Variants in CNTN4 observed in about 807,000 individuals in gnomAD.
The protein encoded by CNTN4 is contactin-4.
CNTN4 carries 77 observed loss-of-function variants against 122.5 expected under a neutral mutation model. That is an observed-to-expected ratio of 0.63 (90% CI 0.52 to 0.76). CNTN4 has a LOEUF of 0.76. Ranked by LOEUF, CNTN4 falls within the 30% of genes least tolerant of loss-of-function variation. CNTN4 has a pLI of 0.00. For missense variants in CNTN4, 1,256 were observed against 1,259.1 expected, an observed-to-expected ratio of 1.00 and a Z score of 0.04; for synonymous variants, 512 against 447.0, an observed-to-expected ratio of 1.15 and a Z score of -1.83.
chr3:2,560,738 G>T (rs967547356), intron 3 of CNTN4, among the ~76,000 whole-genome samples: 1 of 152,098 alleles, frequency 6.6e-6, no homozygotes, highest in African/African-American at 2.4e-5. Context: ...CCCTCTTAGA[G>T]TATTATATTA....
intron 2 of CNTN4, among the ~76,000 whole-genome samples, chr3:2,143,183 C>T (rs191436597): frequency 3.4e-4 from 51 of 152,166 alleles, no homozygotes; most frequent in Admixed American, 7.2e-4. Flanking sequence ...TTCTGTTTTA[C>T]GTTTCCCATT....
At chr3:2,986,065 C>A (rs1694541471) in intron 13 of CNTN4, among the ~76,000 whole-genome samples, 1 of 152,004 alleles carries the variant, frequency 6.6e-6, no homozygotes, top group African/African-American at 2.4e-5. Context: ...TAGGCTCAAG[C>A]CAGCACACCT....
At chr3:2,200,720 T>C (rs1016749496) in intron 2 of CNTN4, among the ~76,000 whole-genome samples, 3 of 152,178 alleles carry the variant, frequency 2.0e-5, no homozygotes, top group Admixed American at 2.0e-4. Flanking sequence ...AATTTTACAG[T>C]GTCTGTTGGG....
intron 13 of CNTN4, among the ~76,000 whole-genome samples, chr3:2,940,983 A>G (rs1016315745): frequency 2.0e-5 from 3 of 152,182 alleles, no homozygotes; most frequent in Non-Finnish European, 4.4e-5. Flanking sequence ...GTTTTATTCC[A>G]AAAGAGGTGG....
rs371492553 is a variant in CNTN4, at chr3:2,142,236, C to T, written c.-145+41597C>T. Reference sequence around the variant, plus strand: ...AGCATCTGTTTCTACATATGACTGGCACAAATGATATCTTTTTGTAAAATA... The same window carrying T: ...AGCATCTGTTTCTACATATGACTGGTACAAATGATATCTTTTTGTAAAATA... On this transcript the variant is annotated intron_variant, in intron 2 of 24. Transcript: ENST00000418658. 8.5e-5 allele frequency among the ~76,000 whole-genome samples: 13 copies of T among 152,282 alleles called. No individual in the cohort carries two copies. The East Asian group carries it at 1.3e-3, about 16-fold the overall frequency.
intron 2 of CNTN4, among the ~76,000 whole-genome samples, chr3:2,306,198 G>A (rs1203346961): frequency 6.6e-6 from 1 of 152,138 alleles, no homozygotes; most frequent in Admixed American, 6.5e-5. Flanking sequence ...TTTTTGAAGA[G>A]TGATAAATGA....
chr3:2,622,541 G>T (rs974873920), intron 4 of CNTN4, among the ~76,000 whole-genome samples: 2 of 152,186 alleles, frequency 1.3e-5, no homozygotes, highest in African/African-American at 4.8e-5. Context: ...CCCAGAGCTT[G>T]CTGGGATTAC....
At chr3:2,873,018 A>C (rs566571290) in intron 8 of CNTN4, among the ~76,000 whole-genome samples, 45 of 152,130 alleles carry the variant, frequency 3.0e-4, no homozygotes, top group Non-Finnish European at 6.3e-4. Flanking sequence ...TCAAGCTTTC[A>C]CCCAGTAGGA....
At chr3:2,428,247 G>T (rs562788984) in intron 3 of CNTN4, among the ~76,000 whole-genome samples, 1 of 152,142 alleles carries the variant, frequency 6.6e-6, no homozygotes, top group Non-Finnish European at 1.5e-5. Flanking sequence ...TTCTTCAGGA[G>T]CTCTTGTAAG....
intron 4 of CNTN4, among the ~76,000 whole-genome samples, chr3:2,653,732 C>G (rs2150217954): frequency 6.6e-6 from 1 of 152,164 alleles, no homozygotes; most frequent in Non-Finnish European, 1.5e-5. Context: ...GTCTTCTTTC[C>G]TTTATATTTC....
Position 2,570,319 on chromosome 3 carries a change from G to A in CNTN4, c.-88-1097G>A, listed in dbSNP as rs576534408. 1.6e-3 allele frequency among the ~76,000 whole-genome samples: 243 copies of A among 151,902 alleles called. 1 individual carries two copies. Among genetic ancestry groups the A allele is most frequent in the African/African-American group, 5.6e-3 (234 of 41,424 alleles). On this transcript the variant is annotated intron_variant, in intron 3 of 24. Coordinates refer to ENST00000418658, the MANE Select transcript of CNTN4 (RefSeq NM_175607.3). The stretch of plus-strand genomic sequence containing the variant: ...CTCCTGAGTAGCAGGGACTATAGGC[G>A]TGCACCACCATGCCAGGCTGATTTT...
In CNTN4 at chr3:2,747,278, A is replaced by G. The variant is rs553436559; in HGVS notation, c.358+1581A>G. Among the ~76,000 whole-genome samples the G allele has an allele frequency of 1.7e-3, 217 of 127,732 alleles. 3 individuals carry two copies. The highest frequency in any genetic ancestry group is 7.0e-3 in the South Asian group (30 of 4,278). 83.8% of individuals were successfully genotyped at this position (127,732 alleles called of 152,430 possible). ...CAAAAAATTAGCCGGGCGCAGTGGC[A>G]GGTGCCTGTAGTCCCAGCTGCTCGG... On this transcript the variant is annotated intron_variant, in intron 6 of 24. Transcript: ENST00000418658.
At chr3:2,455,318 G>A (rs771739079) in intron 3 of CNTN4, among the ~76,000 whole-genome samples, 1 of 152,112 alleles carries the variant, frequency 6.6e-6, no homozygotes, top group Non-Finnish European at 1.5e-5. Context: ...TGAAGGCTAC[G>A]ACAAGTGTAA....
rs532773224 is a variant in CNTN4 at position 2,787,773 on chromosome 3, A to G, written c.359-31713A>G. The stretch of plus-strand genomic sequence containing the variant: ...AGTGTACTTATCACACAGTCCTGCC[A>G]TATTGTTTTGTGGGTTTTTGTTTTT... On this transcript the variant is annotated intron_variant, in intron 6 of 24. Transcript: ENST00000418658. 7.5e-5 allele frequency among the ~76,000 whole-genome samples: 11 copies of G among 145,768 alleles called. No homozygotes were observed. In the South Asian group the frequency reaches 2.0e-3, roughly 26 times the overall value.
intron 3 of CNTN4, 168 bp from the exon 4 acceptor site, chr3:2,571,247 AT>A: frequency 1.9e-6 from 1 of 540,434 alleles, no homozygotes; most frequent in Non-Finnish European, 3.3e-6. Flanking sequence ...CAAGAAAAAA[AT>A]AGGAGTCTTA....
At position 3,034,658 on chromosome 3, in the gene CNTN4, AC is replaced by A; in HGVS notation, c.1811del (p.Thr604LysfsTer2). ...RGPPGPPEAVTIDEITDTTAQ... is the reference protein window; with the variant it reads ...RGPPGPPEAVXIDEITDTTAQ... Reference sequence around the variant, plus strand: ...TCCTCCAGGTCCCCCAGAGGCTGTGACAATAGACGAAATCACAGATACCACT... The same window carrying A: ...TCCTCCAGGTCCCCCAGAGGCTGTGAAATAGACGAAATCACAGATACCACT... On this transcript the variant is annotated frameshift_variant, in exon 17 of 25. Transcript: ENST00000418658. LOFTEE classifies it high-confidence loss of function. 5 of 1,614,134 alleles carry A rather than the reference AC, an allele frequency of 3.1e-6. No homozygotes were observed. The highest frequency in any genetic ancestry group is 3.4e-6 in the Non-Finnish European group (4 of 1,180,016).
At chr3:2,946,893 GT>G (rs2094684940) in intron 13 of CNTN4, among the ~76,000 whole-genome samples, 1 of 151,866 alleles carries the variant, frequency 6.6e-6, no homozygotes, top group African/African-American at 2.4e-5. Context: ...TTTTGTAGCA[GT>G]GGGGTCTCCC....
chr3:2,644,697 A>G (rs186993864), intron 4 of CNTN4, among the ~76,000 whole-genome samples: 3 of 149,718 alleles, frequency 2.0e-5, no homozygotes, highest in Admixed American at 6.8e-5. Context: ...CACAGAAACT[A>G]GGACATTTGG....
intron 2 of CNTN4, among the ~76,000 whole-genome samples, chr3:2,298,360 A>G (rs1241763162): frequency 6.6e-6 from 1 of 152,132 alleles, no homozygotes; most frequent in Non-Finnish European, 1.5e-5. Context: ...CAGAATTAGT[A>G]TATTAATTTT....
Sources: gnomAD v4.1 joint callset for allele counts (sites outside exome capture counted in the v4.1 genomes callset) on GRCh38, gnomAD v4.1.1 for gene constraint, MANE v1.5 for transcripts, NCBI Gene and HGNC (gene_info 2026-07-23, HGNC 2026-07-21) for gene names.